ZFHX3: variants seen among roughly 807,000 people sequenced by gnomAD.
ZFHX3 encodes zinc finger homeobox protein 3.
A neutral mutation model predicts 279.1 loss-of-function variants in ZFHX3; 42 were observed. The observed-to-expected ratio is 0.15, with a 90% CI of 0.12 to 0.19. The LOEUF is 0.19. ZFHX3 is among the 10% of genes least tolerant of loss of function. The pLI, the probability that ZFHX3 is intolerant of heterozygous loss-of-function variation, is 1.00. For synonymous variants in ZFHX3, 2,293 were observed against 1,957.8 expected (o/e 1.17, Z -4.52); for missense variants, 4,981 against 4,754.0 (o/e 1.05, Z -1.40).
intron 1 of ZFHX3, among the ~76,000 whole-genome samples, chr16:72,979,440 G>C (rs1392067681): frequency 6.6e-6 from 1 of 152,146 alleles, no homozygotes; most frequent in African/African-American, 2.4e-5. Flanking sequence ...TTTCGCCATA[G>C]GAAAGATGGA....
intron 2 of ZFHX3, among the ~76,000 whole-genome samples, chr16:73,662,005 A>C: frequency 2.8e-5 from 1 of 35,880 alleles, no homozygotes; most frequent in East Asian, 2.5e-3. Flanking sequence ...ACAACGGACC[A>C]ATTTTTTTTT....
At chr16:73,619,395 G>GGA (rs2143899732) in intron 2 of ZFHX3, among the ~76,000 whole-genome samples, 1 of 151,738 alleles carries the variant, frequency 6.6e-6, no homozygotes, top group African/African-American at 2.4e-5. Flanking sequence ...GGCTGAGGCA[G>GGA]GAGAATGGCA....
At chr16:73,344,545 A>G (rs1463686683) in intron 3 of ZFHX3, among the ~76,000 whole-genome samples, 1 of 152,186 alleles carries the variant, frequency 6.6e-6, no homozygotes, top group East Asian at 1.9e-4. Context: ...TAAATGTTCA[A>G]TTTTCTGATT....
chr16:73,481,336 A>T lies in ZFHX3; in HGVS notation c.-1546-25078T>A, dbSNP rs115584705. On this transcript the variant is annotated intron_variant, in intron 2 of 17. Coordinates refer to the ZFHX3 transcript ENST00000641206. Reference sequence around the variant, plus strand: ...AGAGTGAGACTCCATCTCAAAAAAAAAAAAAGAACAAAGTCCTAAATCCAG... The same window carrying T: ...AGAGTGAGACTCCATCTCAAAAAAATAAAAAGAACAAAGTCCTAAATCCAG... Among the ~76,000 whole-genome samples the T allele has an allele frequency of 1.8e-3, 270 of 152,046 alleles. 1 individual carries two copies. The highest frequency in any genetic ancestry group is 5.9e-3 in the African/African-American group (245 of 41,518).
chr16:72,919,924 C>A (rs1232159856), intron 3 of ZFHX3, among the ~76,000 whole-genome samples: 2 of 150,638 alleles, frequency 1.3e-5, no homozygotes, highest in Non-Finnish European at 3.0e-5. Context: ...CTCCCAAGAA[C>A]CTGGGATTAC....
chr16:73,315,950 C>T (rs1402507609), intron 4 of ZFHX3, among the ~76,000 whole-genome samples: 2 of 152,182 alleles, frequency 1.3e-5, no homozygotes, highest in Admixed American at 6.5e-5. Flanking sequence ...ATACACAAGA[C>T]GCATACCCAT....
rs138401350 is a variant in ZFHX3, at chr16:73,070,010, A to G, written c.-532-10998T>C. Among the ~76,000 whole-genome samples, 614 of 152,308 alleles carry G rather than the reference A, an allele frequency of 4.0e-3. 3 individuals carry two copies. The highest frequency in any genetic ancestry group is 0.014 in the African/African-American group (572 of 41,570). Reference sequence around the variant, plus strand: ...CCTGCTTCATTCAGTTTGCTTTCAGATAAAGTTTCCAGAGGTCCCTTTCCC... The same window carrying G: ...CCTGCTTCATTCAGTTTGCTTTCAGGTAAAGTTTCCAGAGGTCCCTTTCCC... On this transcript the variant is annotated intron_variant, in intron 8 of 17. Coordinates refer to the ZFHX3 transcript ENST00000641206.
intron 6 of ZFHX3, among the ~76,000 whole-genome samples, chr16:73,132,175 C>T (rs6499615): frequency 0.037 from 5,559 of 152,218 alleles, 333 homozygotes; most frequent in African/African-American, 0.13. Flanking sequence ...GTCCCAGCTA[C>T]TCCGGAGGCT....
chr16:72,887,958 T>C (rs2038672686), intron 4 of ZFHX3, among the ~76,000 whole-genome samples: 2 of 152,062 alleles, frequency 1.3e-5, no homozygotes, highest in Admixed American at 6.6e-5. Context: ...GGTATGGGTG[T>C]AGGTGTGTAC....
At chr16:72,791,314 G>T (rs984936410) in intron 9 of ZFHX3, 3 of 152,228 alleles carry the variant, frequency 2.0e-5, no homozygotes, top group African/African-American at 4.8e-5. Flanking sequence ...TCCAGATCCG[G>T]TGTTTTTGAG....
At chr16:73,211,584 A>C (rs1039523596) in intron 5 of ZFHX3, among the ~76,000 whole-genome samples, 24 of 152,172 alleles carry the variant, frequency 1.6e-4, no homozygotes, top group Admixed American at 1.5e-3. Flanking sequence ...TAGATGGAGA[A>C]AACCCCTGGT....
intron 4 of ZFHX3, among the ~76,000 whole-genome samples, chr16:72,846,699 G>A (rs1317748008): frequency 6.6e-6 from 1 of 152,222 alleles, no homozygotes; most frequent in Non-Finnish European, 1.5e-5. Flanking sequence ...GGGATTTCCA[G>A]TAGAAAAACT....
intron 5 of ZFHX3, among the ~76,000 whole-genome samples, chr16:73,169,447 T>C (rs1015358584): frequency 1.3e-5 from 2 of 152,124 alleles, no homozygotes; most frequent in African/African-American, 2.4e-5. Context: ...CTGGGCAGTA[T>C]CTGGGCAACA....
intron 1 of ZFHX3, among the ~76,000 whole-genome samples, chr16:73,775,848 C>A (rs1296400168): frequency 1.3e-5 from 2 of 152,146 alleles, no homozygotes; most frequent in African/African-American, 2.4e-5. Flanking sequence ...TAGAACCCTG[C>A]TCCTCTCCCT....
chr16:73,813,227 C>A (rs1280789270), intron 1 of ZFHX3, among the ~76,000 whole-genome samples: 2 of 121,642 alleles, frequency 1.6e-5, no homozygotes, highest in African/African-American at 8.9e-5. Context: ...ACCTCTTTCT[C>A]TTTCTCTCTC....
intron 3 of ZFHX3, among the ~76,000 whole-genome samples, chr16:72,906,814 C>G (rs981212951): frequency 3.2e-4 from 49 of 152,004 alleles, no homozygotes; most frequent in Admixed American, 3.1e-3. Context: ...TTCCCCCCCT[C>G]AAAAAACTAA....
intron 2 of ZFHX3, among the ~76,000 whole-genome samples, chr16:73,668,816 T>G (rs1174845511): frequency 6.6e-6 from 1 of 152,116 alleles, no homozygotes; most frequent in African/African-American, 2.4e-5. Context: ...GAAGAAAAGC[T>G]CATCATCACT....
At chr16:73,023,352 C>A (rs1964377083) in intron 1 of ZFHX3, among the ~76,000 whole-genome samples, 1 of 152,210 alleles carries the variant, frequency 6.6e-6, no homozygotes, top group Admixed American at 6.5e-5. Flanking sequence ...GTGGAAGGGG[C>A]TGGAGGGAAA....
chr16:72,813,513 C>T (rs1157143503), intron 5 of ZFHX3, among the ~76,000 whole-genome samples: 2 of 152,200 alleles, frequency 1.3e-5, no homozygotes, highest in African/African-American at 4.8e-5. Context: ...GAAGTTGATG[C>T]TCTTCCCAGA....
Sources: allele counts gnomAD v4.1 joint callset (sites outside exome capture counted in the v4.1 genomes callset), GRCh38; gene constraint gnomAD v4.1.1; transcripts MANE v1.5; gene names NCBI Gene and HGNC (gene_info 2026-07-23, HGNC 2026-07-21).